Variants in OPCML observed in about 807,000 individuals in gnomAD.
OPCML encodes the protein opioid-binding protein/cell adhesion molecule.
Under a neutral mutation model 37.8 loss-of-function variants are expected in OPCML, and 13 were observed. That is an observed-to-expected ratio of 0.34 (90% confidence interval 0.22 to 0.55). The LOEUF is 0.55. Ranked by LOEUF, OPCML falls within the 20% of genes least tolerant of loss-of-function variation. The pLI is 0.91. For missense variants in OPCML, 341 were observed against 435.6 expected (o/e 0.78, Z 1.93); for synonymous variants, 176 against 168.8 (o/e 1.04, Z -0.33).
intron 1 of OPCML, among the ~76,000 whole-genome samples, chr11:133,222,642 C>T (rs932896314): frequency 1.3e-5 from 2 of 152,218 alleles, no homozygotes; most frequent in South Asian, 4.1e-4. Context: ...CTCAGCCCGT[C>T]CAGCTCTGTC....
At chr11:133,151,757 T>G (rs1482937566) in intron 1 of OPCML, among the ~76,000 whole-genome samples, 3 of 152,216 alleles carry the variant, frequency 2.0e-5, no homozygotes, top group Non-Finnish European at 4.4e-5. Flanking sequence ...AGTTAGGGCT[T>G]CTCGAGAGAA....
chr11:132,639,939 A>AG (rs1940748901), intron 3 of OPCML, among the ~76,000 whole-genome samples: 1 of 152,234 alleles, frequency 6.6e-6, no homozygotes, highest in African/African-American at 2.4e-5. Context: ...AATCACTGCA[A>AG]GGCAATAGTT....
chr11:133,004,534 C>A, intron 1 of OPCML: 1 of 985,424 alleles, frequency 1.0e-6, no homozygotes, highest in Non-Finnish European at 1.2e-6. Flanking sequence ...CTTGGCCATG[C>A]ACCTCTTGGC....
At chr11:132,957,969 T>C (rs1853242599) in intron 1 of OPCML, among the ~76,000 whole-genome samples, 1 of 152,148 alleles carries the variant, frequency 6.6e-6, no homozygotes, top group African/African-American at 2.4e-5. Context: ...AGTGTTCAAA[T>C]GAAAGGAAGA....
chr11:133,064,352 C>T (rs1027755635), intron 1 of OPCML, among the ~76,000 whole-genome samples: 5 of 152,246 alleles, frequency 3.3e-5, no homozygotes, highest in Non-Finnish European at 4.4e-5. Context: ...GCCGCCTTCC[C>T]GGCTGAGGCC....
intron 1 of OPCML, among the ~76,000 whole-genome samples, chr11:133,530,267 G>T (rs932300458): frequency 6.6e-6 from 1 of 152,244 alleles, no homozygotes; most frequent in African/African-American, 2.4e-5. Context: ...CCTAGAAGGA[G>T]GTCTCACCCT....
intron 1 of OPCML, among the ~76,000 whole-genome samples, chr11:133,054,598 C>T (rs975507561): frequency 3.9e-5 from 6 of 152,164 alleles, no homozygotes; most frequent in South Asian, 4.1e-4. Flanking sequence ...GGGGCATAGA[C>T]GAAACACTTA....
intron 2 of OPCML, among the ~76,000 whole-genome samples, chr11:132,663,896 G>T (rs149223618): frequency 0.01 from 1,564 of 152,182 alleles, 19 homozygotes; most frequent in African/African-American, 0.026. Context: ...GCAGTGACGC[G>T]ATCTCGGCTC....
At chr11:132,796,514 A>G (rs1938316645) in intron 2 of OPCML, among the ~76,000 whole-genome samples, 1 of 149,980 alleles carries the variant, frequency 6.7e-6, no homozygotes, top group Admixed American at 6.7e-5. Context: ...AGGAGAATTC[A>G]AATTTCTCAG....
intron 2 of OPCML, among the ~76,000 whole-genome samples, chr11:132,760,412 C>T (rs1946217569): frequency 6.6e-6 from 1 of 151,962 alleles, no homozygotes. Flanking sequence ...AAAGTCTCCC[C>T]CTCTTATTGT....
chr11:132,973,926 C>T (rs933410074), intron 1 of OPCML, among the ~76,000 whole-genome samples: 1 of 152,036 alleles, frequency 6.6e-6, no homozygotes, highest in Non-Finnish European at 1.5e-5. Context: ...TCTGGCCTAG[C>T]CTACCCCTTA....
intron 4 of OPCML, among the ~76,000 whole-genome samples, chr11:132,516,426 T>C: frequency 6.6e-6 from 1 of 152,168 alleles, no homozygotes; most frequent in East Asian, 1.9e-4. Flanking sequence ...TTTTTTTCTC[T>C]GGCACGCTAC....
At position 133,038,195 on chromosome 11, in the gene OPCML, C is replaced by T. The variant is rs139110838; in HGVS notation, c.62-95185G>A. Among the ~76,000 whole-genome samples, 283 of 152,340 alleles carry T rather than the reference C, an allele frequency of 1.9e-3. 1 individual carries two copies. Among genetic ancestry groups the T allele is most frequent in the African/African-American group, 6.5e-3 (270 of 41,594 alleles). ...CAGACTTAGGAGCCCTGGGCGCTGG[C>T]CCTGTCTGTCCCTTCCCACACCCAG... On this transcript the variant is annotated intron_variant, in intron 1 of 7. Transcript: ENST00000524381.
At chr11:133,358,863 A>T (rs1944351362) in intron 1 of OPCML, among the ~76,000 whole-genome samples, 1 of 152,052 alleles carries the variant, frequency 6.6e-6, no homozygotes, top group Non-Finnish European at 1.5e-5. Flanking sequence ...CGACCAGTGG[A>T]GGGAATAACA....
chr11:132,643,541 C>T (rs1283962295), intron 3 of OPCML, among the ~76,000 whole-genome samples: 2 of 152,196 alleles, frequency 1.3e-5, no homozygotes, highest in Non-Finnish European at 2.9e-5. Context: ...TCTGTCTCTT[C>T]CTTCTTTCTC....
At chr11:132,947,684 A>C (rs1945774836) in intron 1 of OPCML, among the ~76,000 whole-genome samples, 1 of 152,206 alleles carries the variant, frequency 6.6e-6, no homozygotes, top group East Asian at 1.9e-4. Flanking sequence ...ACAAGGACTA[A>C]GTAGTTTATG....
At chr11:132,814,688 A>G (rs1939531890) in intron 2 of OPCML, among the ~76,000 whole-genome samples, 1 of 152,110 alleles carries the variant, frequency 6.6e-6, no homozygotes, top group Non-Finnish European at 1.5e-5. Flanking sequence ...TAATCTGAGC[A>G]CTCCATGACC....
At chr11:133,010,384 T>C (rs1947192675) in intron 1 of OPCML, among the ~76,000 whole-genome samples, 1 of 152,236 alleles carries the variant, frequency 6.6e-6, no homozygotes, top group African/African-American at 2.4e-5. Context: ...GTGCAAATCC[T>C]AAATGCAAGA....
chr11:132,541,644 C>T (rs1480913682), intron 3 of OPCML, among the ~76,000 whole-genome samples: 1 of 151,926 alleles, frequency 6.6e-6, no homozygotes, highest in Non-Finnish European at 1.5e-5. Flanking sequence ...AGTTTTACTA[C>T]TACTTTACAT....
Sources: gnomAD v4.1 joint callset for allele counts (sites outside exome capture counted in the v4.1 genomes callset) on GRCh38, gnomAD v4.1.1 for gene constraint, MANE v1.5 for transcripts, NCBI Gene and HGNC (gene_info 2026-07-23, HGNC 2026-07-21) for gene names.